The following NRXN1 variants were observed in gnomAD, a reference collection of about 807,000 sequenced individuals.
The protein encoded by NRXN1 is neurexin-1.
A neutral mutation model predicts 150.9 loss-of-function variants in NRXN1; 39 were observed. The ratio of observed to expected loss-of-function variants is 0.26; its 90% CI spans 0.20 to 0.34. NRXN1 has a LOEUF of 0.34. Among genes scored for constraint, NRXN1 ranks in the 10% least tolerant of loss-of-function variants. The pLI, the probability that NRXN1 is intolerant of heterozygous loss-of-function variation, is 1.00. For synonymous variants in NRXN1, 924 were observed against 757.0 expected, an observed-to-expected ratio of 1.22 and a Z score of -3.62; for missense variants, 1,815 against 1,949.9, an observed-to-expected ratio of 0.93 and a Z score of 1.30.
chr2:50,739,145 C>T (rs1546667), intron 5 of NRXN1: 256,095 of 315,920 alleles, frequency 0.81, 104,883 homozygotes, highest in African/African-American at 0.95. Context: ...TTGTATGTCA[C>T]AAATCTGTAG....
chr2:50,740,021 C>T (rs1404795934), intron 5 of NRXN1, among the ~76,000 whole-genome samples: 1 of 152,180 alleles, frequency 6.6e-6, no homozygotes, highest in African/African-American at 2.4e-5. Flanking sequence ...CACTTCTACT[C>T]GTACAAGGGA....
At chr2:50,745,906 G>T (rs998445339) in intron 5 of NRXN1, among the ~76,000 whole-genome samples, 1 of 152,040 alleles carries the variant, frequency 6.6e-6, no homozygotes, top group Non-Finnish European at 1.5e-5. Flanking sequence ...TTTGGGTGGG[G>T]ACATAGCTAA....
intron 2 of NRXN1, among the ~76,000 whole-genome samples, chr2:50,971,773 G>A (rs1342249427): frequency 1.3e-5 from 2 of 151,876 alleles, no homozygotes; most frequent in African/African-American, 4.8e-5. Flanking sequence ...TACACAGTCA[G>A]TGTTTAAAAA....
intron 21 of NRXN1, among the ~76,000 whole-genome samples, chr2:49,979,483 A>C (rs1573191386): frequency 6.7e-6 from 1 of 150,122 alleles, no homozygotes; most frequent in Non-Finnish European, 1.5e-5. Flanking sequence ...ACAAAAGAAG[A>C]AGCCTTGAGT....
intron 17 of NRXN1, among the ~76,000 whole-genome samples, chr2:50,318,000 T>C (rs533765263): frequency 2.6e-5 from 4 of 152,144 alleles, no homozygotes; most frequent in South Asian, 2.1e-4. Context: ...AATTTAACTA[T>C]ATCAAATTTT....
chr2:50,739,190 G>C (rs1468103542), intron 5 of NRXN1: 28 of 412,952 alleles, frequency 6.8e-5, no homozygotes, highest in Non-Finnish European at 9.9e-6. Context: ...TATGATTATG[G>C]ATTTTCTGAC....
chr2:50,829,810 G>C, intron 5 of NRXN1: 12 of 1,448,946 alleles, frequency 8.3e-6, no homozygotes, highest in East Asian at 2.5e-5. Flanking sequence ...CTTAACTTTT[G>C]GTAACATAAT....
At chr2:50,221,768 A>G (rs983400214) in intron 18 of NRXN1, among the ~76,000 whole-genome samples, 1 of 152,036 alleles carries the variant, frequency 6.6e-6, no homozygotes, top group African/African-American at 2.4e-5. Flanking sequence ...ATTGGCTATT[A>G]GCAAATGCCA....
chr2:50,689,542 C>T (rs1691745195), intron 5 of NRXN1, among the ~76,000 whole-genome samples: 1 of 152,104 alleles, frequency 6.6e-6, no homozygotes, highest in African/African-American at 2.4e-5. Flanking sequence ...ATCTGGATTT[C>T]CCAGATAGAA....
intron 21 of NRXN1, among the ~76,000 whole-genome samples, chr2:49,992,044 A>G: frequency 6.6e-6 from 1 of 152,232 alleles, no homozygotes; most frequent in South Asian, 2.1e-4. Flanking sequence ...ATGAAAAATA[A>G]TTTAGAGACA....
Position 50,979,638 on chromosome 2 carries a change from T to C in NRXN1, c.772+47864A>G, listed in dbSNP as rs541074118. ...AATCACATACCAGACCATGCAGGGC[T>C]TGCTCTGTGTCTCAGTTAAATCTGG... is the stretch of plus-strand genomic sequence containing the variant. On this transcript the variant is annotated intron_variant, in intron 2 of 22. Coordinates refer to ENST00000401669, the MANE Select transcript of NRXN1 (RefSeq NM_001330078.2). Among the ~76,000 whole-genome samples the C allele has an allele frequency of 1.9e-4, 29 of 152,234 alleles. No homozygotes were observed. The East Asian group carries it at 5.6e-3, about 29-fold the overall frequency.
chr2:50,856,533 T>A (rs751430957), intron 5 of NRXN1, among the ~76,000 whole-genome samples: 1 of 152,042 alleles, frequency 6.6e-6, no homozygotes. Context: ...TAAGGAATAA[T>A]GTATTCGGTG....
intron 5 of NRXN1, among the ~76,000 whole-genome samples, chr2:50,885,007 A>G (rs1680013694): frequency 6.6e-6 from 1 of 151,668 alleles, no homozygotes; most frequent in South Asian, 2.1e-4. Flanking sequence ...AGAATATCTT[A>G]CAAATGAAGT....
At chr2:50,359,845 G>A (rs747987066) in intron 17 of NRXN1, among the ~76,000 whole-genome samples, 1 of 152,054 alleles carries the variant, frequency 6.6e-6, no homozygotes, top group Non-Finnish European at 1.5e-5. Context: ...AAATGTCAAG[G>A]GCACGCAGAG....
chr2:50,127,375 A>G (rs937393511), intron 18 of NRXN1, among the ~76,000 whole-genome samples: 3 of 152,214 alleles, frequency 2.0e-5, no homozygotes, highest in African/African-American at 7.2e-5. Context: ...AAATTTTTAA[A>G]AACCTGATAA....
chr2:50,386,190 T>C (rs2103745211), intron 17 of NRXN1, among the ~76,000 whole-genome samples: 1 of 152,218 alleles, frequency 6.6e-6, no homozygotes, highest in South Asian at 2.1e-4. Flanking sequence ...ATTAAAGACA[T>C]CAATCATACA....
chr2:50,794,952 G>T (rs1032806552), intron 5 of NRXN1, among the ~76,000 whole-genome samples: 14 of 151,974 alleles, frequency 9.2e-5, no homozygotes, highest in Non-Finnish European at 1.8e-4. Flanking sequence ...TTTCATAAAT[G>T]ACCTACTTAG....
chr2:50,515,220 G>A (rs931113201), intron 12 of NRXN1, among the ~76,000 whole-genome samples: 2 of 152,152 alleles, frequency 1.3e-5, no homozygotes, highest in African/African-American at 2.4e-5. Flanking sequence ...ATGCTCCTTA[G>A]GAGAATCTAA....
At chr2:50,307,243 A>C (rs1025590730) in intron 17 of NRXN1, among the ~76,000 whole-genome samples, 1 of 152,142 alleles carries the variant, frequency 6.6e-6, no homozygotes, top group Non-Finnish European at 1.5e-5. Context: ...CAGCCTCCCA[A>C]AGTGCTGGGA....
Sources: allele counts gnomAD v4.1 joint callset (sites outside exome capture counted in the v4.1 genomes callset), GRCh38; gene constraint gnomAD v4.1.1; transcripts MANE v1.5; gene names NCBI Gene and HGNC (gene_info 2026-07-23, HGNC 2026-07-21).